Variants in MYO5B observed in about 807,000 individuals in gnomAD.
The protein encoded by MYO5B is unconventional myosin-Vb.
In MYO5B, 143 loss-of-function variants were observed where a neutral mutation model predicts 229.3. The ratio of observed to expected loss-of-function variants is 0.62; its 90% CI spans 0.54 to 0.72. The LOEUF is 0.72. Among genes scored for constraint, MYO5B ranks in the 30% least tolerant of loss-of-function variants. MYO5B has a pLI of 0.00. For missense variants in MYO5B, 2,321 were observed against 2,331.0 expected, an observed-to-expected ratio of 1.00 and a Z score of 0.09; for synonymous variants, 918 against 885.2, an observed-to-expected ratio of 1.04 and a Z score of -0.66.
chr18:49,835,543 A>G (rs1018835749), intron 38 of MYO5B, 119 bp from the exon 39 acceptor site: 6 of 727,032 alleles, frequency 8.3e-6, no homozygotes, highest in African/African-American at 3.5e-5. Flanking sequence ...AAGGCCCACA[A>G]CACAGATGGA....
intron 13 of MYO5B, among the ~76,000 whole-genome samples, 153 bp from the exon 14 acceptor site, chr18:49,953,496 T>C (rs1159758125): frequency 6.6e-6 from 1 of 152,136 alleles, no homozygotes; most frequent in East Asian, 1.9e-4. Flanking sequence ...ACCCAATAAA[T>C]GGTCAGGATT....
At chr18:49,831,690 A>G (rs914489925) in intron 39 of MYO5B, among the ~76,000 whole-genome samples, 66 of 152,278 alleles carry the variant, frequency 4.3e-4, no homozygotes, top group African/African-American at 1.5e-3. Flanking sequence ...TGCTGTGGAA[A>G]AGTTTCAGAT....
intron 8 of MYO5B, among the ~76,000 whole-genome samples, chr18:49,982,452 A>G (rs1340665381): frequency 6.6e-6 from 1 of 152,216 alleles, no homozygotes; most frequent in Non-Finnish European, 1.5e-5. Flanking sequence ...CACAGAATGA[A>G]TACTGAATCC....
chr18:49,971,001 C>G (rs1264401391), intron 10 of MYO5B: 2 of 152,282 alleles, frequency 1.3e-5, no homozygotes, highest in East Asian at 1.9e-4. Flanking sequence ...GACATCAGGT[C>G]AGCCCCAGGG....
intron 14 of MYO5B, among the ~76,000 whole-genome samples, chr18:49,945,873 C>T (rs1396143025): frequency 6.6e-6 from 1 of 152,076 alleles, no homozygotes; most frequent in Non-Finnish European, 1.5e-5. Context: ...TGAGAAAGCT[C>T]CATGGGGAAA....
rs2023845967 is a variant in MYO5B, at chr18:49,826,413, G to A, written c.*58C>T. On this transcript the variant is annotated 3_prime_UTR_variant, in exon 40 of 40. Coordinates refer to ENST00000285039, the MANE Select transcript of MYO5B (RefSeq NM_001080467.3). ...AACAGATCCTTGAATTTACTTTACT[G>A]TATATACTTCCTTCTTGCTCACATT... 6.3e-7 allele frequency: 1 copy of A among 1,589,884 alleles called. No homozygotes were observed. Among genetic ancestry groups the A allele is most frequent in the Non-Finnish European group, 8.6e-7 (1 of 1,160,640 alleles).
chr18:50,001,472 G>A, intron 4 of MYO5B, 61 bp from the exon 5 acceptor site: 1 of 1,585,274 alleles, frequency 6.3e-7, no homozygotes, highest in Non-Finnish European at 8.6e-7. Flanking sequence ...ACCGTCCAGG[G>A]ACTCTGTCTG....
intron 10 of MYO5B, among the ~76,000 whole-genome samples, chr18:49,970,505 T>C (rs905621584): frequency 4.6e-5 from 7 of 152,154 alleles, no homozygotes; most frequent in Non-Finnish European, 1.0e-4. Flanking sequence ...ACAAGCTAAC[T>C]ATGAGTCAGA....
In MYO5B at chr18:49,864,392, C is replaced by G. The variant is rs780350353; in HGVS notation, c.3604-12G>C. 3 of 1,612,354 alleles carry G rather than the reference C, an allele frequency of 1.9e-6. No homozygotes were observed. The highest frequency in any genetic ancestry group is 2.5e-6 in the Non-Finnish European group (3 of 1,179,972). On this transcript the variant is annotated splice_polypyrimidine_tract_variant and intron_variant, in intron 27 of 39. Transcript: ENST00000285039. ...TCCAGCTCTTGCCTCTGGAAGACAGCCCAAGGGCCGCTGCCATTACTCCCT... is the reference window on the plus strand; with the variant it reads ...TCCAGCTCTTGCCTCTGGAAGACAGGCCAAGGGCCGCTGCCATTACTCCCT...
At chr18:50,054,091 C>T (rs2030477671) in intron 2 of MYO5B, among the ~76,000 whole-genome samples, 1 of 152,230 alleles carries the variant, frequency 6.6e-6, no homozygotes, top group Admixed American at 6.5e-5. Flanking sequence ...CGACAGCTCC[C>T]AGATGCACTG....
chr18:50,079,962 G>A (rs537424825), intron 1 of MYO5B, among the ~76,000 whole-genome samples: 136 of 152,310 alleles, frequency 8.9e-4, no homozygotes, highest in African/African-American at 3.2e-3. Flanking sequence ...GGGAGGGGCT[G>A]CTCCTGCTAC....
intron 14 of MYO5B, 97 bp downstream of exon 14, chr18:49,953,163 C>A: frequency 8.6e-7 from 1 of 1,168,244 alleles, no homozygotes; most frequent in Non-Finnish European, 1.3e-6. Context: ...TGCCCAGCAT[C>A]TCTGTCTTTC....
At chr18:50,000,846 T>G (rs1353721467) in intron 5 of MYO5B, among the ~76,000 whole-genome samples, 1 of 152,212 alleles carries the variant, frequency 6.6e-6, no homozygotes, top group Non-Finnish European at 1.5e-5. Flanking sequence ...AAAAATATTC[T>G]ATCTAGGCTT....
chr18:49,875,979 C>A, intron 25 of MYO5B, 152 bp from the exon 26 acceptor site: 1 of 915,762 alleles, frequency 1.1e-6, no homozygotes, highest in Non-Finnish European at 1.7e-6. Flanking sequence ...CCAATGACAA[C>A]CAACTAACAT....
chr18:50,046,601 C>T (rs1454721383), intron 2 of MYO5B, among the ~76,000 whole-genome samples: 1 of 152,168 alleles, frequency 6.6e-6, no homozygotes, highest in Non-Finnish European at 1.5e-5. Flanking sequence ...AAACTCTATT[C>T]CCAGGTAAGA....
chr18:50,145,832 AT>A lies in MYO5B; in HGVS notation c.27+48934del, dbSNP rs554495326. On this transcript the variant is annotated intron_variant, in intron 1 of 39. Transcript: ENST00000285039. ...TATCAGAAAAAATGGATGGTTTTCC[AT>A]TAATGAGGTGTTTTAGAAACTCAAA... Among the ~76,000 whole-genome samples the A allele has an allele frequency of 2.7e-3, 407 of 152,354 alleles. 1 individual carries two copies. The highest frequency in any genetic ancestry group is 9.5e-3 in the African/African-American group (396 of 41,584).
At chr18:49,886,435 C>A (rs1202201267) in intron 22 of MYO5B, among the ~76,000 whole-genome samples, 1 of 152,126 alleles carries the variant, frequency 6.6e-6, no homozygotes, top group Non-Finnish European at 1.5e-5. Context: ...AGGTTGAGAG[C>A]TGCTGGTCTT....
At chr18:49,941,623 A>G (rs1275923400) in intron 14 of MYO5B, among the ~76,000 whole-genome samples, 1 of 152,140 alleles carries the variant, frequency 6.6e-6, no homozygotes, top group Non-Finnish European at 1.5e-5. Context: ...ACAGGTGACA[A>G]TTCTGTTCCT....
chr18:49,995,194 T>G (rs965746978), intron 5 of MYO5B, among the ~76,000 whole-genome samples: 5 of 151,570 alleles, frequency 3.3e-5, no homozygotes, highest in Admixed American at 3.3e-4. Flanking sequence ...GGGCAACTTC[T>G]CATGGCTCAA....
Sources: gnomAD v4.1 joint callset for allele counts (sites outside exome capture counted in the v4.1 genomes callset) on GRCh38, gnomAD v4.1.1 for gene constraint, MANE v1.5 for transcripts, NCBI Gene and HGNC (gene_info 2026-07-23, HGNC 2026-07-21) for gene names.